TPRG1: variants seen among roughly 807,000 people sequenced by gnomAD.
TPRG1 encodes tumor protein p63-regulated gene 1 protein.
In TPRG1, 29 loss-of-function variants were observed where a neutral mutation model predicts 29.3. The ratio of observed to expected loss-of-function variants is 0.99; its 90% confidence interval spans 0.74 to 1.35. The LOEUF (loss-of-function observed/expected upper bound fraction) is 1.35. Ranked by LOEUF, TPRG1 falls within the 40% of genes most tolerant of loss-of-function variation. The probability of loss-of-function intolerance (pLI) is 0.00; values close to 1 mark genes in which losing one functional copy is unlikely to be tolerated. For synonymous variants in TPRG1, 130 were observed against 116.8 expected (o/e 1.11, Z -0.73); for missense variants, 327 against 335.0 (o/e 0.98, Z 0.19).
intron 4 of TPRG1, among the ~76,000 whole-genome samples, chr3:189,037,083 T>A (rs999168497): frequency 6.6e-6 from 1 of 150,808 alleles, no homozygotes; most frequent in South Asian, 2.1e-4. Context: ...CCTTTCCTCA[T>A]ACAAGTTGTC....
intron 4 of TPRG1, among the ~76,000 whole-genome samples, chr3:189,036,193 T>C (rs566981420): frequency 1.3e-5 from 2 of 152,112 alleles, no homozygotes; most frequent in Admixed American, 6.6e-5. Flanking sequence ...TTCTCATTTG[T>C]AAGTGGGAGC....
Position 189,135,747 on chromosome 3 carries a change from A to G in TPRG1, c.-291+3050A>G, listed in dbSNP as rs75339379. ...TTTTTCCTCAGAGCATCTTCTGGAA[A>G]ATGCTAGTCTAGCCTTTCCAGATGC... is the stretch of plus-strand genomic sequence containing the variant. On this transcript the variant is annotated intron_variant, in intron 3 of 6. Coordinates refer to the TPRG1 transcript ENST00000412373. Among the ~76,000 whole-genome samples the G allele has an allele frequency of 2.6e-4, 39 of 152,280 alleles. No individual in the cohort carries two copies. The East Asian group carries it at 6.4e-3, about 25-fold the overall frequency.
chr3:189,095,432 A>G (rs1718612253), upstream of TPRG1, among the ~76,000 whole-genome samples: 1 of 152,140 alleles, frequency 6.6e-6, no homozygotes, highest in Admixed American at 6.5e-5. Flanking sequence ...GGTGGCATGC[A>G]TGATGCTAGG....
At chr3:189,316,588 A>C (rs1723563631) in intron 5 of TPRG1, among the ~76,000 whole-genome samples, 1 of 152,176 alleles carries the variant, frequency 6.6e-6, no homozygotes. Flanking sequence ...ACAGCACCTA[A>C]AGCAAACCTG....
chr3:189,261,182 C>G (rs531394050), intron 4 of TPRG1, among the ~76,000 whole-genome samples: 4 of 152,148 alleles, frequency 2.6e-5, no homozygotes, highest in African/African-American at 9.6e-5. Context: ...AGGAATGGGG[C>G]TAGGAAGACA....
At chr3:189,043,018 G>A (rs1714728297) in intron 4 of TPRG1, among the ~76,000 whole-genome samples, 1 of 152,158 alleles carries the variant, frequency 6.6e-6, no homozygotes, top group Non-Finnish European at 1.5e-5. Context: ...TTCACCCATT[G>A]TTTATTCTCC....
At chr3:189,006,682 A>G (rs1336060909) in intron 3 of TPRG1, among the ~76,000 whole-genome samples, 7 of 152,108 alleles carry the variant, frequency 4.6e-5, no homozygotes, top group African/African-American at 1.7e-4. Flanking sequence ...TCTAAAGAGC[A>G]CTGTCATCAC....
At chr3:189,183,057 G>A (rs116642029) in intron 1 of TPRG1, among the ~76,000 whole-genome samples, 1,939 of 152,266 alleles carry the variant, frequency 0.013, 44 homozygotes, top group African/African-American at 0.044. Context: ...TGGAAACAGA[G>A]TGACTTTTTA....
chr3:189,145,230 C>T (rs1178687743), intron 3 of TPRG1, among the ~76,000 whole-genome samples: 15 of 151,868 alleles, frequency 9.9e-5, no homozygotes, highest in Non-Finnish European at 1.6e-4. Context: ...GGCGTGGTGG[C>T]AGGCGCCTGT....
At chr3:189,269,270 T>A (rs1042821659) in intron 4 of TPRG1, among the ~76,000 whole-genome samples, 1 of 152,168 alleles carries the variant, frequency 6.6e-6, no homozygotes, top group Non-Finnish European at 1.5e-5. Context: ...TCCATAACAA[T>A]GTGTGGTCTC....
intron 4 of TPRG1, among the ~76,000 whole-genome samples, chr3:189,293,856 A>G (rs1719426714): frequency 6.6e-6 from 1 of 152,150 alleles, no homozygotes; most frequent in Non-Finnish European, 1.5e-5. Flanking sequence ...CCGACCATTT[A>G]ATCGTCACAA....
At chr3:189,058,341 C>T (rs1715869094) in intron 4 of TPRG1, among the ~76,000 whole-genome samples, 1 of 152,146 alleles carries the variant, frequency 6.6e-6, no homozygotes, top group African/African-American at 2.4e-5. Flanking sequence ...AGATTATTTT[C>T]TTTGTACTCA....
chr3:189,174,656 A>G (rs950203848), intron 1 of TPRG1, among the ~76,000 whole-genome samples: 1 of 152,238 alleles, frequency 6.6e-6, no homozygotes, highest in African/African-American at 2.4e-5. Context: ...TAAGAGATAT[A>G]GGATATATGA....
At chr3:189,264,176 T>C (rs537906198) in intron 4 of TPRG1, among the ~76,000 whole-genome samples, 1 of 152,200 alleles carries the variant, frequency 6.6e-6, no homozygotes, top group Non-Finnish European at 1.5e-5. Context: ...CTCTGTAACA[T>C]GAAATGGGTT....
chr3:189,014,877 A>G (rs1712838856), intron 3 of TPRG1, among the ~76,000 whole-genome samples: 1 of 152,170 alleles, frequency 6.6e-6, no homozygotes, highest in African/African-American at 2.4e-5. Flanking sequence ...GTAGTACTTT[A>G]TAGCAGTGAG....
chr3:189,282,867 G>A (rs1317549202), intron 4 of TPRG1, among the ~76,000 whole-genome samples: 1 of 152,196 alleles, frequency 6.6e-6, no homozygotes, highest in African/African-American at 2.4e-5. Context: ...TTTGATGATA[G>A]TTAATATTTT....
At chr3:189,252,635 CATTTTCCTGCTATTTGA>C (rs1258525489) in intron 4 of TPRG1, among the ~76,000 whole-genome samples, 2 of 152,116 alleles carry the variant, frequency 1.3e-5, no homozygotes, top group African/African-American at 4.8e-5. Flanking sequence ...TTAACCGCAC[CATTTTCCTGCTATTTGA>C]ATTTGGACAA....
chr3:189,060,068 A>G (rs532237291), intron 4 of TPRG1, among the ~76,000 whole-genome samples: 1 of 152,116 alleles, frequency 6.6e-6, no homozygotes, highest in Non-Finnish European at 1.5e-5. Context: ...CCCAGTCTCT[A>G]CTAAAAATAC....
chr3:189,054,050 T>TG (rs1277891991), intron 4 of TPRG1, among the ~76,000 whole-genome samples: 2 of 152,226 alleles, frequency 1.3e-5, no homozygotes, highest in Non-Finnish European at 2.9e-5. Flanking sequence ...TTCAGTCTTT[T>TG]TTGTTGTTGT....
Sources: gnomAD v4.1 joint callset for allele counts (sites outside exome capture counted in the v4.1 genomes callset) on GRCh38, gnomAD v4.1.1 for gene constraint, MANE v1.5 for transcripts, NCBI Gene and HGNC (gene_info 2026-07-23, HGNC 2026-07-21) for gene names.